The following PEBP4 variants were observed in gnomAD, a reference collection of about 807,000 sequenced individuals.
PEBP4 encodes the protein phosphatidylethanolamine binding protein 4, also known as phosphatidylethanolamine-binding protein 4.
Under a neutral mutation model 23.9 loss-of-function variants are expected in PEBP4, and 22 were observed. That is an observed-to-expected ratio of 0.92 (90% confidence interval 0.66 to 1.31). The LOEUF (loss-of-function observed/expected upper bound fraction) is 1.31. Among genes scored for constraint, PEBP4 ranks in the 40% most tolerant of loss-of-function variants. PEBP4 has a pLI of 0.00. For missense variants in PEBP4, 324 were observed against 281.7 expected, an observed-to-expected ratio of 1.15 and a Z score of -1.07; for synonymous variants, 112 against 99.3, an observed-to-expected ratio of 1.13 and a Z score of -0.76.
intron 4 of PEBP4, among the ~76,000 whole-genome samples, chr8:22,738,276 A>G (rs531161291): frequency 1.3e-5 from 2 of 152,192 alleles, no homozygotes; most frequent in Admixed American, 1.3e-4. Context: ...TTGAAGACAC[A>G]TGATCCCACA....
intron 3 of PEBP4, among the ~76,000 whole-genome samples, chr8:22,862,031 T>A (rs1456509886): frequency 6.6e-6 from 1 of 152,112 alleles, no homozygotes; most frequent in African/African-American, 2.4e-5. Flanking sequence ...AAGCGAGTGA[T>A]GCCAACACAA....
chr8:22,804,165 A>G (rs1806446521), intron 4 of PEBP4, among the ~76,000 whole-genome samples: 1 of 152,160 alleles, frequency 6.6e-6, no homozygotes, highest in Non-Finnish European at 1.5e-5. Context: ...CCCTATATCT[A>G]TAAAAAATAA....
chr8:22,842,593 C>T (rs1226483923), intron 3 of PEBP4, among the ~76,000 whole-genome samples: 2 of 152,110 alleles, frequency 1.3e-5, no homozygotes, highest in East Asian at 1.9e-4. Flanking sequence ...AACACTCTTG[C>T]GATGAAATGG....
At chr8:22,911,498 C>T (rs1292014654) in intron 3 of PEBP4, among the ~76,000 whole-genome samples, 2 of 152,220 alleles carry the variant, frequency 1.3e-5, no homozygotes, top group Non-Finnish European at 2.9e-5. Context: ...CCCTCACCCA[C>T]AAGCCGGCAA....
chr8:22,792,799 A>G (rs914296802), intron 4 of PEBP4, among the ~76,000 whole-genome samples: 1 of 148,428 alleles, frequency 6.7e-6, no homozygotes, highest in South Asian at 2.2e-4. Context: ...GGTATATGTC[A>G]GAGGTGTGTA....
intron 4 of PEBP4, among the ~76,000 whole-genome samples, chr8:22,774,069 G>T (rs1178961933): frequency 1.3e-5 from 2 of 152,112 alleles, no homozygotes; most frequent in Non-Finnish European, 2.9e-5. Context: ...CCCTCCTGCT[G>T]GTTTCACAGA....
At position 22,839,240 on chromosome 8, in the gene PEBP4, G is replaced by T. The variant is rs545064546; in HGVS notation, c.259-21505C>A. Among the ~76,000 whole-genome samples, 6 of 152,248 alleles carry T rather than the reference G, an allele frequency of 3.9e-5. No individual in the cohort carries two copies. The East Asian group carries it at 9.7e-4, about 25-fold the overall frequency. ...GCTCAGTCTTTAGGACGTGGTGTTG[G>T]TCATCACGGGATTCAGCCCCAGTTG... On this transcript the variant is annotated intron_variant, in intron 3 of 6. Transcript: ENST00000256404.
At chr8:22,729,454 G>T (rs373131587) in intron 4 of PEBP4, among the ~76,000 whole-genome samples, 1 of 152,258 alleles carries the variant, frequency 6.6e-6, no homozygotes, top group Non-Finnish European at 1.5e-5. Context: ...AGCAGGCAAG[G>T]GTGGGGGCCA....
At chr8:22,869,300 T>C (rs910128950) in intron 3 of PEBP4, among the ~76,000 whole-genome samples, 2 of 152,244 alleles carry the variant, frequency 1.3e-5, no homozygotes, top group Non-Finnish European at 2.9e-5. Flanking sequence ...TATGGTATAC[T>C]TGTGTATGTT....
At position 22,775,271 on chromosome 8, in the gene PEBP4, G is replaced by A. The variant is rs1805792764; in HGVS notation, c.357+42366C>T. ...AGCAGCATCTTTCAGGGACCCGGAA[G>A]CCCCAAGCATCTGGCAAGGAGGGTT... On this transcript the variant is annotated intron_variant, in intron 4 of 6. Coordinates refer to ENST00000256404, the MANE Select transcript of PEBP4 (RefSeq NM_144962.3). The surrounding 1 kb of genome is among the most constrained non-coding windows in gnomAD (Gnocchi z 4.8). Among the ~76,000 whole-genome samples the A allele has an allele frequency of 6.6e-6, 1 of 152,186 alleles. No individual in the cohort carries two copies. Among genetic ancestry groups the A allele is most frequent in the Non-Finnish European group, 1.5e-5 (1 of 68,040 alleles).
intron 4 of PEBP4, among the ~76,000 whole-genome samples, chr8:22,743,441 A>G (rs149797409): frequency 0.013 from 1,954 of 152,280 alleles, 35 homozygotes; most frequent in Admixed American, 0.03. Context: ...CCCTCATTTT[A>G]TGGACCCGTT....
At chr8:22,826,271 G>A (rs1563229064) in intron 3 of PEBP4, among the ~76,000 whole-genome samples, 1 of 152,214 alleles carries the variant, frequency 6.6e-6, no homozygotes, top group Non-Finnish European at 1.5e-5. Flanking sequence ...CAAAGACACT[G>A]CACATCTTGA....
intron 6 of PEBP4, among the ~76,000 whole-genome samples, chr8:22,715,961 A>G (rs796212809): frequency 3.3e-5 from 5 of 152,146 alleles, no homozygotes; most frequent in African/African-American, 1.2e-4. Context: ...CGAGAGGCAG[A>G]GAGTCCGCGG....
chr8:22,760,105 T>G (rs1279772874), intron 4 of PEBP4, among the ~76,000 whole-genome samples: 2 of 152,208 alleles, frequency 1.3e-5, no homozygotes, highest in Non-Finnish European at 2.9e-5. Context: ...GGGCACTTAT[T>G]ACACCCTAAG....
intron 3 of PEBP4, among the ~76,000 whole-genome samples, chr8:22,896,999 T>TTA (rs981793941): frequency 3.3e-5 from 5 of 151,382 alleles, no homozygotes; most frequent in Admixed American, 6.6e-5. Flanking sequence ...TATTTGCGTG[T>TTA]TATATATATA....
intron 3 of PEBP4, among the ~76,000 whole-genome samples, chr8:22,830,156 G>A (rs1807055589): frequency 7.5e-6 from 1 of 133,350 alleles, no homozygotes; most frequent in South Asian, 2.4e-4. Context: ...TTTTTACGGA[G>A]TCTTGCTCTT....
Position 22,781,810 on chromosome 8 carries a change from C to T in PEBP4, c.357+35827G>A, listed in dbSNP as rs368502276. ...GGCTGGAGGTGCCCATGTTGGACTT[C>T]GGACATGGCAGCCTGTCCCCCTTCC... On this transcript the variant is annotated intron_variant, in intron 4 of 6. Transcript: ENST00000256404. 8.2e-4 allele frequency among the ~76,000 whole-genome samples: 125 copies of T among 152,300 alleles called. 1 individual carries two copies. Among genetic ancestry groups the T allele is most frequent in the African/African-American group, 3.0e-3 (123 of 41,566 alleles).
rs921467993 is a variant in PEBP4, at chr8:22,767,180, G to A, written c.358-39960C>T. Among the ~76,000 whole-genome samples the A allele has an allele frequency of 6.6e-5, 10 of 152,332 alleles. No individual in the cohort carries two copies. In the East Asian group the frequency reaches 9.6e-4, roughly 15 times the overall value. On this transcript the variant is annotated intron_variant, in intron 4 of 6. Coordinates refer to ENST00000256404, the MANE Select transcript of PEBP4 (RefSeq NM_144962.3). ...AATAAATTGACTAGAGCGAAGCTCC[G>A]GTGGGAAGCAGTGGGGTAAAGATAT... is the stretch of plus-strand genomic sequence containing the variant.
rs367677369 is a variant in PEBP4 at position 22,886,164 on chromosome 8, T to C, written c.258+34020A>G. On this transcript the variant is annotated intron_variant, in intron 3 of 6. Transcript: ENST00000256404. The stretch of plus-strand genomic sequence containing the variant: ...TAGGACTGTCAAATGAGTAAGCGTT[T>C]CTTCCCACAGGCGTTCAGGGTCTAT... 4.6e-5 allele frequency: 7 copies of C among 152,366 alleles called. No individual in the cohort carries two copies. The East Asian group carries it at 1.3e-3, about 29-fold the overall frequency. The allele number at this position is 152,366 out of a possible 1,614,324, so 9.4% of individuals were successfully genotyped here. A position where few individuals can be genotyped will look rare whatever the true frequency, so the allele number is the denominator to read the frequency against.
Sources: gnomAD v4.1 joint callset for allele counts (sites outside exome capture counted in the v4.1 genomes callset) on GRCh38, gnomAD v4.1.1 for gene constraint, Gnocchi (gnomAD v3.1) non-coding constraint, MANE v1.5 for transcripts, NCBI Gene and HGNC (gene_info 2026-07-23, HGNC 2026-07-21) for gene names.